Variants in TMEM181 observed in about 807,000 individuals in gnomAD.
TMEM181 encodes the protein G protein-coupled receptor 178.
TMEM181 carries 39 observed loss-of-function variants against 71.9 expected under a neutral mutation model. That is an observed-to-expected ratio of 0.54 (90% CI 0.42 to 0.71). The LOEUF (loss-of-function observed/expected upper bound fraction) is 0.71, where lower values mean the gene tolerates loss of function less well. Ranked by LOEUF, TMEM181 falls within the 30% of genes least tolerant of loss-of-function variation. The pLI is 0.00. For synonymous variants in TMEM181, 245 were observed against 228.8 expected (o/e 1.07, Z -0.64); for missense variants, 595 against 583.0 (o/e 1.02, Z -0.21).
At chr6:158,596,911 T>G (rs905881341) in intron 6 of TMEM181, among the ~76,000 whole-genome samples, 1 of 152,124 alleles carries the variant, frequency 6.6e-6, no homozygotes, top group Non-Finnish European at 1.5e-5. Flanking sequence ...CCACAACACA[T>G]GGGAATTCTG....
At chr6:158,616,611 G>C (rs577331410) in intron 10 of TMEM181, among the ~76,000 whole-genome samples, 139 of 152,296 alleles carry the variant, frequency 9.1e-4, no homozygotes, top group Non-Finnish European at 1.5e-3. Flanking sequence ...GTATGATATT[G>C]GCTGTGGGTT....
upstream of TMEM181, among the ~76,000 whole-genome samples, chr6:158,559,598 G>A (rs553957253): frequency 6.6e-6 from 1 of 152,204 alleles, no homozygotes; most frequent in Non-Finnish European, 1.5e-5. Context: ...GTCTAGAAGC[G>A]GCTTGCGGGA....
intron 15 of TMEM181, among the ~76,000 whole-genome samples, chr6:158,630,810 G>T (rs1211318612): frequency 1.3e-5 from 2 of 151,816 alleles, no homozygotes; most frequent in East Asian, 3.9e-4. Flanking sequence ...GAACTCTCTA[G>T]AACATAGGCA....
intron 9 of TMEM181, 66 bp downstream of exon 9, chr6:158,608,529 G>T: frequency 6.2e-7 from 1 of 1,611,956 alleles, no homozygotes; most frequent in Non-Finnish European, 8.5e-7. Context: ...CGAACTCTGA[G>T]GACAGCCCAG....
intron 5 of TMEM181, among the ~76,000 whole-genome samples, chr6:158,586,581 T>C (rs1422655387): frequency 6.6e-6 from 1 of 152,228 alleles, no homozygotes; most frequent in Non-Finnish European, 1.5e-5. Context: ...ATTCTGAAGC[T>C]TGTGGCCTTA....
At chr6:158,616,422 A>G (rs981181977) in intron 10 of TMEM181, among the ~76,000 whole-genome samples, 1 of 152,204 alleles carries the variant, frequency 6.6e-6, no homozygotes, top group African/African-American at 2.4e-5. Flanking sequence ...CAATCATGTC[A>G]TCTGCAAACA....
chr6:158,536,957 C>A, intron 1 of TMEM181: 2 of 1,023,898 alleles, frequency 2.0e-6, no homozygotes, highest in South Asian at 4.8e-5. Context: ...TTGGCCTGGT[C>A]CCGCCGACGG....
At chr6:158,602,122 T>C (rs1183930673) in intron 6 of TMEM181, among the ~76,000 whole-genome samples, 2 of 152,252 alleles carry the variant, frequency 1.3e-5, no homozygotes, top group African/African-American at 4.8e-5. Context: ...CACTGATCTG[T>C]TATTTGCATT....
chr6:158,613,627 G>A (rs1245990083), intron 10 of TMEM181, among the ~76,000 whole-genome samples: 2 of 152,142 alleles, frequency 1.3e-5, no homozygotes, highest in Non-Finnish European at 1.5e-5. Flanking sequence ...GGCTTTCTTG[G>A]CTTCCTAAGT....
At chr6:158,630,909 TTA>T in intron 15 of TMEM181, among the ~76,000 whole-genome samples, 1 of 151,908 alleles carries the variant, frequency 6.6e-6, no homozygotes, top group Non-Finnish European at 1.5e-5. Flanking sequence ...CACAGCAACT[TTA>T]TGATAAACAT....
At chr6:158,588,447 G>C (rs1783912659) in intron 5 of TMEM181, among the ~76,000 whole-genome samples, 2 of 150,358 alleles carry the variant, frequency 1.3e-5, no homozygotes, top group Non-Finnish European at 2.9e-5. Flanking sequence ...CTTTTTGTTT[G>C]TTTTTGTTTG....
At position 158,560,144 on chromosome 6, in the gene TMEM181, GGCTGCCGCTGCCGAGGCTGCT is replaced by G. The variant is rs1047025809; in HGVS notation, c.-78_-58del. ...CCGCTGTCGCTCCGGCTCCGGCTGCGGCTGCCGCTGCCGAGGCTGCTGCGCGGCGCCTGGCGGGCTCGGGAC... is the reference window on the plus strand; with the variant it reads ...CCGCTGTCGCTCCGGCTCCGGCTGCGGCGCGGCGCCTGGCGGGCTCGGGAC... On this transcript the variant is annotated 5_prime_UTR_variant, in exon 1 of 17. Transcript: ENST00000684151. 5 of 984,742 alleles carry G rather than the reference GGCTGCCGCTGCCGAGGCTGCT, an allele frequency of 5.1e-6. No homozygotes were observed. The African/African-American group carries it at 5.2e-5, about 10-fold the overall frequency. 61.0% of individuals were successfully genotyped at this position (984,742 alleles called of 1,614,324 possible).
chr6:158,613,987 C>A (rs1387257561), intron 10 of TMEM181, among the ~76,000 whole-genome samples: 1 of 152,082 alleles, frequency 6.6e-6, no homozygotes. Flanking sequence ...TTACAGTAAC[C>A]CAACATAACC....
intron 1 of TMEM181, among the ~76,000 whole-genome samples, chr6:158,542,742 C>A (rs1049042432): frequency 6.6e-6 from 1 of 151,978 alleles, no homozygotes; most frequent in African/African-American, 2.4e-5. Flanking sequence ...GTAGCTGGGA[C>A]TACATGCGTG....
intron 10 of TMEM181, chr6:158,610,646 T>A: frequency 3.3e-6 from 1 of 302,274 alleles, no homozygotes; most frequent in Non-Finnish European, 6.3e-6. Flanking sequence ...GTGAAATGAG[T>A]GAGAATTCTG....
rs35016219 is a variant in TMEM181 at position 158,596,211 on chromosome 6, G to A, written c.492+6429G>A. Among the ~76,000 whole-genome samples, 7 of 152,058 alleles carry A rather than the reference G, an allele frequency of 4.6e-5. No homozygotes were observed. The South Asian group carries it at 1.5e-3, about 32-fold the overall frequency. ...TGGGATTACCAGTGTGAGCCACTGC[G>A]CCTGGCCCAATACCTGTCCAATTCT... On this transcript the variant is annotated intron_variant, in intron 6 of 16. Coordinates refer to ENST00000684151, the MANE Select transcript of TMEM181 (RefSeq NM_001376852.1).
rs1028567728 is a variant in TMEM181 at position 158,599,924 on chromosome 6, G to C, written c.493-5343G>C. Among the ~76,000 whole-genome samples the C allele has an allele frequency of 4.6e-5, 7 of 152,338 alleles. No homozygotes were observed. In the South Asian group the frequency reaches 8.3e-4, roughly 18 times the overall value. ...TGCTGCTGACAGGGGCGGCCTCCCA[G>C]AGAGTCAGAACATGTGGAAATGGCT... On this transcript the variant is annotated intron_variant, in intron 6 of 16. Coordinates refer to ENST00000684151, the MANE Select transcript of TMEM181 (RefSeq NM_001376852.1).
intron 12 of TMEM181, among the ~76,000 whole-genome samples, 175 bp downstream of exon 12, chr6:158,625,381 G>C (rs1387839804): frequency 1.3e-5 from 2 of 152,140 alleles, no homozygotes; most frequent in African/African-American, 4.8e-5. Flanking sequence ...AGGCCTTACA[G>C]GTTACTCTGG....
rs575418364 is a variant in TMEM181, at chr6:158,608,404, A to G, written c.745A>G (p.Met249Val). 1.8e-5 allele frequency: 29 copies of G among 1,614,116 alleles called. No individual in the cohort carries two copies. In the East Asian group the frequency reaches 6.2e-4, roughly 35 times the overall value. Reference protein sequence around the residue: ...PGMLDDLFQSMFLCALLLFWL... With the variant: ...PGMLDDLFQSVFLCALLLFWL... ...GATGCTGGATGACCTCTTTCAGTCC[A>G]TGTTCCTGTGCGCCCTGCTGCTCTT... Residue 249 changes from methionine to valine, a missense_variant, in exon 9 of 17, where the codon ATG becomes GTG. Met to Val is a conservative substitution (Grantham distance 21, BLOSUM62 1). Coordinates refer to ENST00000684151, the MANE Select transcript of TMEM181 (RefSeq NM_001376852.1).
Sources: allele counts gnomAD v4.1 joint callset (sites outside exome capture counted in the v4.1 genomes callset), GRCh38; gene constraint gnomAD v4.1.1; transcripts MANE v1.5; gene names NCBI Gene and HGNC (gene_info 2026-07-23, HGNC 2026-07-21).